TMEM256: variants seen among roughly 807,000 people sequenced by gnomAD.
TMEM256 encodes the protein UPF0451 protein C17orf61.
Under a neutral mutation model 14.8 loss-of-function variants are expected in TMEM256, and 14 were observed. That is an observed-to-expected ratio of 0.95 (90% CI 0.63 to 1.48). The LOEUF (loss-of-function observed/expected upper bound fraction) is 1.48. Ranked by LOEUF, TMEM256 falls within the 40% of genes most tolerant of loss-of-function variation. The probability of loss-of-function intolerance (pLI) is 0.00; values close to 1 mark genes in which losing one functional copy is unlikely to be tolerated. For synonymous variants in TMEM256, 68 were observed against 60.7 expected, an observed-to-expected ratio of 1.12 and a Z score of -0.56; for missense variants, 146 against 137.9, an observed-to-expected ratio of 1.06 and a Z score of -0.30.
At chr17:7,403,588 C>G (rs1906433349) in intron 2 of TMEM256, 70 bp downstream of exon 2, 5 of 1,301,070 alleles carry the variant, frequency 3.8e-6, no homozygotes, top group Non-Finnish European at 5.5e-6. Flanking sequence ...CCGCCCACTT[C>G]CCCCAGGGAC....
rs1242314020 is a variant in TMEM256 at position 7,403,786 on chromosome 17, C to CCT, written c.86-98_86-97insAG. On this transcript the variant is annotated intron_variant, in intron 1 of 3. Coordinates refer to ENST00000302422, the MANE Select transcript of TMEM256 (RefSeq NM_152766.5). ...GGTGGACATTGGCGAGAAAGGGCAC[C>CCT]CCCCCCCCCGCCCCAGGAAGCTTCC... 4.5e-4 allele frequency: 125 copies of CCT among 280,806 alleles called. 4 individuals carry two copies. The African/African-American group carries it at 4.8e-3, about 11-fold the overall frequency. 17.4% of individuals were successfully genotyped at this position (280,806 alleles called of 1,614,324 possible).
rs767852971 is a variant in TMEM256 at position 7,403,643 on chromosome 17, G to A, written c.117+15C>T. ...TAGACCCACGAGTCAGGGAGCCCCA[G>A]CGCAGTTACTTCACCTCCTTCCCGT... On this transcript the variant is annotated intron_variant, in intron 2 of 3. Transcript: ENST00000302422. 5 of 1,609,512 alleles carry A rather than the reference G, an allele frequency of 3.1e-6. No individual in the cohort carries two copies. Among genetic ancestry groups the A allele is most frequent in the African/African-American group, 1.3e-5 (1 of 74,742 alleles).
chr17:7,403,784 A>AGGGGGGGGGGGGGGGGGGG, intron 1 of TMEM256, 95 bp from the exon 2 acceptor site: 1 of 1,027,258 alleles, frequency 9.7e-7, no homozygotes, highest in Non-Finnish European at 1.3e-6. Flanking sequence ...GAGAAAGGGC[A>AGGGGGGGGGGGGGGGGGGG]CCCCCCCCCC....
chr17:7,403,169 G>A lies in TMEM256; in HGVS notation c.239C>T (p.Thr80Ile). The change falls in exon 4 of 4, where the codon ACC becomes ATC. Residue 80 changes from threonine to isoleucine, a missense_variant. Physicochemically the swap from Thr to Ile is moderately conservative, Grantham distance 89. Transcript: ENST00000302422. ...LLASGTTLFC[T>I]SFYYQALSGD... is the part of the protein sequence containing the mutation. Reference sequence around the variant, plus strand: ...ACTCAGAGCCTGGTAGTAAAAGCTGGTGCAGAATAAGGTCGTTCCGGAAGC... The same window carrying A: ...ACTCAGAGCCTGGTAGTAAAAGCTGATGCAGAATAAGGTCGTTCCGGAAGC... The A allele has an allele frequency of 6.2e-7, 1 of 1,614,198 alleles. No homozygotes were observed. Among genetic ancestry groups the A allele is most frequent in the South Asian group, 1.1e-5 (1 of 91,086 alleles).
intron 2 of TMEM256, 52 bp from the exon 3 acceptor site, chr17:7,403,442 A>G: frequency 6.4e-7 from 1 of 1,571,454 alleles, no homozygotes; most frequent in East Asian, 2.2e-5. Flanking sequence ...AGGTACTGAG[A>G]TCCCCTGATG....
intron 2 of TMEM256, 92 bp downstream of exon 2, chr17:7,403,566 C>A: frequency 6.4e-7 from 1 of 1,562,780 alleles, no homozygotes; most frequent in South Asian, 1.1e-5. Flanking sequence ...CGCGGCTCGC[C>A]CCACCCTCTC....
chr17:7,403,788 C>CCCT, intron 1 of TMEM256, 99 bp from the exon 2 acceptor site: 1 of 1,022,294 alleles, frequency 9.8e-7, no homozygotes, highest in Non-Finnish European at 1.3e-6. Context: ...AAGGGCACCC[C>CCCT]CCCCCCCGCC....
At chr17:7,403,794 C>CG in intron 1 of TMEM256, 105 bp from the exon 2 acceptor site, 1 of 908,070 alleles carries the variant, frequency 1.1e-6, no homozygotes, top group Non-Finnish European at 1.6e-6. Context: ...ACCCCCCCCC[C>CG]CGCCCCAGGA....
In TMEM256 at chr17:7,404,080, G is replaced by A. The variant is rs1441709999; in HGVS notation, c.5C>T (p.Ala2Val). ...GCGGCGGAAAGCTGCAGCTGGCCCGGCCATAGCTGTAGAACAGGACGCACC... is the reference window on the plus strand; with the variant it reads ...GCGGCGGAAAGCTGCAGCTGGCCCGACCATAGCTGTAGAACAGGACGCACC... The part of the protein sequence containing the change: M[A>V]GPAAAFRRLG... The change falls in exon 1 of 4, where the codon GCC becomes GTC. Residue 2 changes from alanine (A) to valine (V), a missense_variant. By Grantham distance (64) the Ala-to-Val change is moderately conservative. Coordinates refer to ENST00000302422, the MANE Select transcript of TMEM256 (RefSeq NM_152766.5). 2.5e-6 allele frequency: 4 copies of A among 1,587,304 alleles called. No individual in the cohort carries two copies. The highest frequency in any genetic ancestry group is 4.6e-5 in the East Asian group (2 of 43,860).
In TMEM256 at chr17:7,403,311, C is replaced by CA. The variant is rs1906414034; in HGVS notation, c.196dup (p.Trp66LeufsTer?). 1.9e-6 allele frequency: 3 copies of CA among 1,614,058 alleles called. No homozygotes were observed. The African/African-American group carries it at 4.0e-5, about 22-fold the overall frequency. On this transcript the variant is annotated frameshift_variant and splice_region_variant, in exon 3 of 4. Coordinates refer to ENST00000302422, the MANE Select transcript of TMEM256 (RefSeq NM_152766.5). LOFTEE classifies it high-confidence loss of function. ...GGGTTAGGCGCAGGGAAAGATTACC[C>CA]AGAGTGGCTTTCTGCAATGGGGCAC...
chr17:7,403,791 C>CCG (rs1555547299), intron 1 of TMEM256, 102 bp from the exon 2 acceptor site: 14 of 1,045,732 alleles, frequency 1.3e-5, no homozygotes, highest in South Asian at 2.8e-5. Flanking sequence ...GGCACCCCCC[C>CCG]CCCCGCCCCA....
Position 7,403,389 on chromosome 17 carries a change from A to G in TMEM256, c.119T>C (p.Leu40Pro). 6.2e-7 allele frequency: 1 copy of G among 1,614,168 alleles called. No homozygotes were observed. Among genetic ancestry groups the G allele is most frequent in the Non-Finnish European group, 8.5e-7 (1 of 1,179,970 alleles). ...AQFPDAYGKE[L>P]FDKANKHHFL... The stretch of plus-strand genomic sequence containing the variant: ...GTGGTGTTTGTTGGCCTTGTCAAAC[A>G]GCTGTAAGAAAAACAGAAACGAAGG... Residue 40 changes from leucine (L) to proline (P), a missense_variant and splice_region_variant, in exon 3 of 4, where the codon CTG becomes CCG. Transcript: ENST00000302422.
intron 1 of TMEM256, 149 bp downstream of exon 1, chr17:7,403,851 T>A: frequency 1.8e-6 from 2 of 1,141,282 alleles, no homozygotes; most frequent in South Asian, 2.9e-5. Context: ...GGGAACCAAT[T>A]GGACCCAGCT....
chr17:7,403,602 A>G (rs1196721754), intron 2 of TMEM256, 56 bp downstream of exon 2: 6 of 1,327,058 alleles, frequency 4.5e-6, no homozygotes, highest in Non-Finnish European at 6.2e-6. Context: ...CAGGGACCCC[A>G]GACTTTGTGC....
intron 2 of TMEM256, 121 bp from the exon 3 acceptor site, chr17:7,403,511 G>A (rs1237083977): frequency 2.0e-6 from 3 of 1,496,614 alleles, no homozygotes; most frequent in East Asian, 2.3e-5. Flanking sequence ...CTTGATCCCA[G>A]GCCTTTGGCT....
intron 1 of TMEM256, 101 bp from the exon 2 acceptor site, chr17:7,403,790 C>A: frequency 9.7e-7 from 1 of 1,034,968 alleles, no homozygotes. Flanking sequence ...GGGCACCCCC[C>A]CCCCCGCCCC....
chr17:7,403,973 T>C (rs775741071), intron 1 of TMEM256, 27 bp downstream of exon 1: 1 of 1,553,710 alleles, frequency 6.4e-7, no homozygotes. Context: ...CCAAGTACAG[T>C]CCCATCTTCG....
chr17:7,403,371 T>C lies in TMEM256; in HGVS notation c.137A>G (p.Lys46Arg). The C allele has an allele frequency of 6.2e-7, 1 of 1,614,156 alleles. No homozygotes were observed. Among genetic ancestry groups the C allele is most frequent in the South Asian group, 1.1e-5 (1 of 91,080 alleles). ...GGCCAGGCTGTGTAAGAAGTGGTGT[T>C]TGTTGGCCTTGTCAAACAGCTGTAA... Reference protein sequence around the residue: ...YGKELFDKANKHHFLHSLALL... With the variant: ...YGKELFDKANRHHFLHSLALL... Residue 46 changes from lysine (K) to arginine (R), a missense_variant, in exon 3 of 4, where the codon AAA (lysine) becomes AGA (arginine). Coordinates refer to ENST00000302422, the MANE Select transcript of TMEM256 (RefSeq NM_152766.5).
rs546057413 is a variant in TMEM256, at chr17:7,403,703, A to C, written c.86-14T>G. 8.1e-5 allele frequency: 130 copies of C among 1,600,560 alleles called. No homozygotes were observed. The African/African-American group carries it at 1.5e-3, about 19-fold the overall frequency. On this transcript the variant is annotated splice_polypyrimidine_tract_variant and intron_variant, in intron 1 of 3. Transcript: ENST00000302422. The stretch of plus-strand genomic sequence containing the variant: ...GGAATTGGGCGCCTGTGGAGAAAAG[A>C]AGCAAAGGTTAGCGGTCCTAGTGCC...
Sources: gnomAD v4.1 joint callset for allele counts on GRCh38, gnomAD v4.1.1 for gene constraint, MANE v1.5 for transcripts, NCBI Gene and HGNC (gene_info 2026-07-23, HGNC 2026-07-21) for gene names.